The following LRPPRC variants were observed in gnomAD, a reference collection of about 807,000 sequenced individuals.
The protein encoded by LRPPRC is leucine rich pentatricopeptide repeat containing, also known as leucine-rich PPR motif-containing protein, mitochondrial.
A neutral mutation model predicts 180.3 loss-of-function variants in LRPPRC; 120 were observed. That is an observed-to-expected ratio of 0.67 (90% CI 0.57 to 0.77). The LOEUF is 0.77. LRPPRC is among the 30% of genes least tolerant of loss of function. LRPPRC has a pLI of 0.00. For missense variants in LRPPRC, 2,012 were observed against 1,657.2 expected, an observed-to-expected ratio of 1.21 and a Z score of -3.72; for synonymous variants, 723 against 600.0, an observed-to-expected ratio of 1.21 and a Z score of -3.00.
chr2:43,966,440 C>T (rs933496646), intron 11 of LRPPRC, among the ~76,000 whole-genome samples: 3 of 148,392 alleles, frequency 2.0e-5, no homozygotes, highest in African/African-American at 7.4e-5. Flanking sequence ...GACGGAGTTT[C>T]GCTCTTGTTG....
rs201985435 is a variant in LRPPRC at position 43,975,226 on chromosome 2, T to A, written c.738-9A>T. On this transcript the variant is annotated splice_polypyrimidine_tract_variant and intron_variant, in intron 6 of 37. Coordinates refer to ENST00000260665, the MANE Select transcript of LRPPRC (RefSeq NM_133259.4). ...CTGCATTCTCCATATCACTACAAGTTAATTCAAAAAACAGATTATTATGCT... is the reference window on the plus strand; with the variant it reads ...CTGCATTCTCCATATCACTACAAGTAAATTCAAAAAACAGATTATTATGCT... 3.3e-5 allele frequency: 53 copies of A among 1,611,298 alleles called. No homozygotes were observed. In the African/African-American group the frequency reaches 6.3e-4, roughly 19 times the overall value.
chr2:43,991,175 G>A lies in LRPPRC; in HGVS notation c.149+4624C>T, dbSNP rs894804169. Among the ~76,000 whole-genome samples the A allele has an allele frequency of 3.9e-4, 59 of 151,812 alleles. 1 individual carries two copies. The Middle Eastern group carries it at 0.01, about 26-fold the overall frequency. ...CTCCCGAGTAGCTGGGACTACAGGC[G>A]CCCGCCACCATTGCTAATTTTGTTT... On this transcript the variant is annotated intron_variant, in intron 1 of 37. Transcript: ENST00000260665.
Position 43,948,362 on chromosome 2 carries a change from G to C in LRPPRC, c.1842+50C>G, listed in dbSNP as rs376068454. 5.9e-4 allele frequency: 679 copies of C among 1,144,048 alleles called. No homozygotes were observed. Among genetic ancestry groups the C allele is most frequent in the Non-Finnish European group, 8.2e-4 (614 of 750,706 alleles). 70.9% of individuals were successfully genotyped at this position (1,144,048 alleles called of 1,614,324 possible). A position where few individuals can be genotyped will look rare whatever the true frequency, so the allele number is the denominator to read the frequency against. ...AAAAGCAGCAATTTCAAATCTAATA[G>C]ATACATGTCAGGCAGGACAGGCATT... On this transcript the variant is annotated intron_variant, in intron 17 of 37. Transcript: ENST00000260665.
At chr2:43,968,915 T>C (rs1281487785) in intron 11 of LRPPRC, among the ~76,000 whole-genome samples, 3 of 152,210 alleles carry the variant, frequency 2.0e-5, no homozygotes, top group East Asian at 3.8e-4. Context: ...TGGTTAACTA[T>C]GGGTGTTGAA....
At chr2:43,984,359 G>A (rs1431108972) in intron 1 of LRPPRC, among the ~76,000 whole-genome samples, 1 of 152,146 alleles carries the variant, frequency 6.6e-6, no homozygotes, top group Admixed American at 6.5e-5. Context: ...TTCCGCTACA[G>A]GATATTTTTT....
chr2:43,951,118 AT>A (rs905334339), intron 14 of LRPPRC, among the ~76,000 whole-genome samples: 2 of 152,240 alleles, frequency 1.3e-5, no homozygotes, highest in African/African-American at 4.8e-5. Flanking sequence ...CAGTTACTAC[AT>A]AATGGAGAAA....
At chr2:43,898,975 C>T (rs373474096) in intron 34 of LRPPRC, among the ~76,000 whole-genome samples, 3 of 152,276 alleles carry the variant, frequency 2.0e-5, no homozygotes, top group Admixed American at 6.5e-5. Flanking sequence ...CCGCACCACC[C>T]GCCGCTCCCC....
chr2:43,887,766 T>C lies in LRPPRC; in HGVS notation c.*834A>G, dbSNP rs1342347046. 6.6e-6 allele frequency: 1 copy of C among 152,190 alleles called. No homozygotes were observed. The highest frequency in any genetic ancestry group is 1.5e-5 in the Non-Finnish European group (1 of 68,044). The allele number at this position is 152,190 out of a possible 1,614,324, so 9.4% of individuals were successfully genotyped here. On this transcript the variant is annotated 3_prime_UTR_variant, in exon 38 of 38. Coordinates refer to ENST00000260665, the MANE Select transcript of LRPPRC (RefSeq NM_133259.4). Reference sequence around the variant, plus strand: ...GATTCAATATAGGGATCACTTTTATTTCAAACAATTAAATACAAACCAATA... The same window carrying C: ...GATTCAATATAGGGATCACTTTTATCTCAAACAATTAAATACAAACCAATA...
At chr2:43,975,055 G>T in intron 7 of LRPPRC, 36 bp downstream of exon 7, 2 of 1,603,792 alleles carry the variant, frequency 1.2e-6, no homozygotes, top group South Asian at 2.2e-5. Flanking sequence ...TTTTACAAAT[G>T]ATTTTAAAGT....
At chr2:43,974,034 C>G (rs945248142) in intron 9 of LRPPRC, 116 bp downstream of exon 9, 1 of 1,241,410 alleles carries the variant, frequency 8.1e-7, no homozygotes, top group South Asian at 1.2e-5. Context: ...TCTTGCAACA[C>G]AAGAACATTG....
chr2:43,947,436 T>A, intron 19 of LRPPRC, 66 bp from the exon 20 acceptor site: 2 of 789,488 alleles, frequency 2.5e-6, no homozygotes, highest in Admixed American at 1.9e-5. Context: ...CTTTTGTCAC[T>A]CTTCCCTTTA....
chr2:43,947,936 C>T (rs1024700394), intron 18 of LRPPRC, among the ~76,000 whole-genome samples, 161 bp from the exon 19 acceptor site: 2 of 151,902 alleles, frequency 1.3e-5, no homozygotes, highest in South Asian at 2.1e-4. Flanking sequence ...ATGTAATTAA[C>T]GTTATAAATA....
In LRPPRC at chr2:43,918,013, G is replaced by A. The variant is rs199684766; in HGVS notation, c.3148+12C>T. The A allele has an allele frequency of 4.4e-4, 353 of 797,658 alleles. No homozygotes were observed. In the African/African-American group the frequency reaches 6.4e-3, roughly 14 times the overall value. The allele number at this position is 797,658 out of a possible 1,614,324, so 49.4% of individuals were successfully genotyped here. A position where few individuals can be genotyped will look rare whatever the true frequency, so the allele number is the denominator to read the frequency against. ...CCCCCCCACACACACCCCCATCCCC[G>A]TATGTGCTTGCCTTTTTTTTGGTTC... On this transcript the variant is annotated intron_variant, in intron 29 of 37. Transcript: ENST00000260665.
At chr2:43,904,146 T>A (rs1443038292) in intron 31 of LRPPRC, among the ~76,000 whole-genome samples, 1 of 152,104 alleles carries the variant, frequency 6.6e-6, no homozygotes, top group Non-Finnish European at 1.5e-5. Flanking sequence ...CTCGCTACAC[T>A]GCCCAGGCTG....
At chr2:43,949,581 T>C (rs765888086) in intron 16 of LRPPRC, 21 bp downstream of exon 16, 2 of 1,601,394 alleles carry the variant, frequency 1.2e-6, no homozygotes, top group South Asian at 1.1e-5. Flanking sequence ...TAAGTTACAA[T>C]CATCGAAATT....
chr2:43,921,300 T>A (rs1671691307), intron 27 of LRPPRC, among the ~76,000 whole-genome samples: 1 of 151,988 alleles, frequency 6.6e-6, no homozygotes, highest in Non-Finnish European at 1.5e-5. Flanking sequence ...AAATAAGGAC[T>A]AAAATAAAAC....
chr2:43,896,847 T>C, intron 34 of LRPPRC, 139 bp from the exon 35 acceptor site: 1 of 643,516 alleles, frequency 1.6e-6, no homozygotes, highest in Non-Finnish European at 2.8e-6. Flanking sequence ...TCGACTATTA[T>C]TTTTTAAGGC....
chr2:43,956,986 G>A (rs1260347233), intron 14 of LRPPRC, among the ~76,000 whole-genome samples: 1 of 152,104 alleles, frequency 6.6e-6, no homozygotes, highest in Non-Finnish European at 1.5e-5. Flanking sequence ...TAACAAAATT[G>A]GAAGGGCAAG....
chr2:43,962,050 A>G (rs1174441510), intron 12 of LRPPRC, among the ~76,000 whole-genome samples: 12 of 152,220 alleles, frequency 7.9e-5, no homozygotes, highest in Admixed American at 7.9e-4. Flanking sequence ...AACACTCAAT[A>G]CTACTGAAAT....
Sources: allele counts gnomAD v4.1 joint callset (sites outside exome capture counted in the v4.1 genomes callset), GRCh38; gene constraint gnomAD v4.1.1; transcripts MANE v1.5; gene names NCBI Gene and HGNC (gene_info 2026-07-23, HGNC 2026-07-21).